The following BTC variants were observed in gnomAD, a reference collection of about 807,000 sequenced individuals.
BTC encodes the protein probetacellulin.
Under a neutral mutation model 18.1 loss-of-function variants are expected in BTC, and 13 were observed. That is an observed-to-expected ratio of 0.72 (90% CI 0.47 to 1.14). BTC has a LOEUF of 1.14. Ranked by LOEUF, BTC falls within the 50% of genes most tolerant of loss-of-function variation. BTC has a pLI of 0.00. For missense variants in BTC, 247 were observed against 224.2 expected, an observed-to-expected ratio of 1.10 and a Z score of -0.65; for synonymous variants, 83 against 79.4, an observed-to-expected ratio of 1.05 and a Z score of -0.24.
intron 3 of BTC, among the ~76,000 whole-genome samples, chr4:74,753,870 A>G (rs1577949148): frequency 6.6e-6 from 1 of 152,238 alleles, no homozygotes; most frequent in Admixed American, 6.5e-5. Context: ...CTTTTTATTT[A>G]TGGCATACTT....
chr4:74,766,732 A>G lies in BTC; in HGVS notation c.163+3326T>C, dbSNP rs1724911945. ...AACTCTTTCAAAAAATTGAAGAGGA[A>G]GAAACACTTCCAAACTCATTTTACG... On this transcript the variant is annotated intron_variant, in intron 2 of 5. Coordinates refer to ENST00000395743, the MANE Select transcript of BTC (RefSeq NM_001729.4). 2.0e-5 allele frequency among the ~76,000 whole-genome samples: 3 copies of G among 152,112 alleles called. No individual in the cohort carries two copies. The South Asian group carries it at 6.2e-4, about 31-fold the overall frequency.
At chr4:74,771,631 C>G (rs1189455616) in intron 1 of BTC, among the ~76,000 whole-genome samples, 1 of 152,128 alleles carries the variant, frequency 6.6e-6, no homozygotes, top group Non-Finnish European at 1.5e-5. Context: ...TTTTACCTAT[C>G]TAATTGGAAC....
At chr4:74,756,464 C>T (rs1724601590) in intron 2 of BTC, among the ~76,000 whole-genome samples, 1 of 152,162 alleles carries the variant, frequency 6.6e-6, no homozygotes, top group East Asian at 1.9e-4. Flanking sequence ...GAGGTAAGAA[C>T]CACTCCAATC....
chr4:74,769,349 C>T (rs1443544903), intron 2 of BTC, among the ~76,000 whole-genome samples: 3 of 152,064 alleles, frequency 2.0e-5, no homozygotes, highest in African/African-American at 7.2e-5. Context: ...AACTGTAGTC[C>T]AAGGATCAGA....
chr4:74,755,739 AC>A, intron 3 of BTC, 119 bp downstream of exon 3: 5 of 913,862 alleles, frequency 5.5e-6, no homozygotes, highest in Non-Finnish European at 6.8e-6. Context: ...TGGGGGCAGG[AC>A]CAGGCAGAAC....
intron 2 of BTC, among the ~76,000 whole-genome samples, chr4:74,769,817 T>C (rs1045372960): frequency 6.6e-6 from 1 of 152,148 alleles, no homozygotes; most frequent in African/African-American, 2.4e-5. Flanking sequence ...GATTTGCTGT[T>C]TTCCAGCTGT....
At chr4:74,767,773 C>G (rs1268341656) in intron 2 of BTC, among the ~76,000 whole-genome samples, 1 of 151,996 alleles carries the variant, frequency 6.6e-6, no homozygotes, top group East Asian at 1.9e-4. Flanking sequence ...AAGGTACTAA[C>G]AATACGCAAT....
At chr4:74,758,970 C>A (rs1724678013) in intron 2 of BTC, among the ~76,000 whole-genome samples, 1 of 151,958 alleles carries the variant, frequency 6.6e-6, no homozygotes, top group South Asian at 2.1e-4. Flanking sequence ...CACACACATA[C>A]ACACATACAT....
At chr4:74,775,292 T>C (rs1425197327) in intron 1 of BTC, among the ~76,000 whole-genome samples, 4 of 152,068 alleles carry the variant, frequency 2.6e-5, no homozygotes, top group Non-Finnish European at 4.4e-5. Context: ...AAAATGCTGA[T>C]TAAGGGCAGA....
chr4:74,780,238 A>G (rs1372212192), intron 1 of BTC, among the ~76,000 whole-genome samples: 3 of 152,218 alleles, frequency 2.0e-5, no homozygotes, highest in Non-Finnish European at 2.9e-5. Flanking sequence ...AAGCTTCTCA[A>G]TGACTGCCCA....
At chr4:74,759,021 A>G (rs552395834) in intron 2 of BTC, among the ~76,000 whole-genome samples, 1 of 152,292 alleles carries the variant, frequency 6.6e-6, no homozygotes, top group South Asian at 2.1e-4. Flanking sequence ...TGTGAAAATG[A>G]GAAAGCTTAT....
chr4:74,745,828 C>T lies in BTC; in HGVS notation c.*849G>A, dbSNP rs542139752. ...GAATGCCAAGCATTTACTTTTCCAT[C>T]TCTATTCATTTCCCTAGTTATGGGG... On this transcript the variant is annotated 3_prime_UTR_variant, in exon 6 of 6. Transcript: ENST00000395743. 1 of 152,308 alleles carries T rather than the reference C, an allele frequency of 6.6e-6. No homozygotes were observed. Among genetic ancestry groups the T allele is most frequent in the East Asian group, 1.9e-4 (1 of 5,184 alleles). 9.4% of individuals were successfully genotyped at this position (152,308 alleles called of 1,614,324 possible).
intron 1 of BTC, among the ~76,000 whole-genome samples, chr4:74,778,649 C>T (rs1725239091): frequency 6.6e-6 from 1 of 152,066 alleles, no homozygotes; most frequent in African/African-American, 2.4e-5. Flanking sequence ...GTATCAGACC[C>T]AATCACTTTC....
At chr4:74,785,576 G>A (rs546419299) in intron 1 of BTC, among the ~76,000 whole-genome samples, 16 of 152,218 alleles carry the variant, frequency 1.1e-4, no homozygotes, top group African/African-American at 2.6e-4. Flanking sequence ...CTAAGCAGAC[G>A]AATAGCCAAA....
At chr4:74,756,275 G>T (rs570223086) in intron 2 of BTC, among the ~76,000 whole-genome samples, 22 of 152,256 alleles carry the variant, frequency 1.4e-4, no homozygotes, top group African/African-American at 4.1e-4. Flanking sequence ...AAGAGAGAAG[G>T]CTTTCATTCC....
chr4:74,765,719 C>A (rs1414365624), intron 2 of BTC, among the ~76,000 whole-genome samples: 2 of 152,198 alleles, frequency 1.3e-5, no homozygotes, highest in East Asian at 3.9e-4. Flanking sequence ...GATAAACAGA[C>A]AATTTTGAAA....
rs551180524 is a variant in BTC at position 74,794,140 on chromosome 4, C to G, written c.64+122G>C. On this transcript the variant is annotated intron_variant, in intron 1 of 5. Coordinates refer to ENST00000395743, the MANE Select transcript of BTC (RefSeq NM_001729.4). ...TCCCAGCCTTCAAAGTTCTCCAACCCGCGCCTGCCAGCCCCAGCGCGCCCT... is the reference window on the plus strand; with the variant it reads ...TCCCAGCCTTCAAAGTTCTCCAACCGGCGCCTGCCAGCCCCAGCGCGCCCT... 5,417 of 1,294,870 alleles carry G rather than the reference C, an allele frequency of 4.2e-3. 16 individuals carry two copies. The highest frequency in any genetic ancestry group is 5.3e-3 in the Non-Finnish European group (4,906 of 931,080). 80.2% of individuals were successfully genotyped at this position (1,294,870 alleles called of 1,614,324 possible).
chr4:74,760,826 C>G (rs565812253), intron 2 of BTC, among the ~76,000 whole-genome samples: 1 of 152,014 alleles, frequency 6.6e-6, no homozygotes, highest in East Asian at 1.9e-4. Context: ...GCTCCGCCTC[C>G]CGGGTTCACG....
intron 1 of BTC, among the ~76,000 whole-genome samples, chr4:74,771,166 G>A (rs1560718090): frequency 6.6e-6 from 1 of 151,782 alleles, no homozygotes; most frequent in Non-Finnish European, 1.5e-5. Flanking sequence ...GGGAAGAATA[G>A]AAAAAGAAAG....
Sources: allele counts gnomAD v4.1 joint callset (sites outside exome capture counted in the v4.1 genomes callset), GRCh38; gene constraint gnomAD v4.1.1; transcripts MANE v1.5; gene names NCBI Gene and HGNC (gene_info 2026-07-23, HGNC 2026-07-21).